MTOR: variants seen among roughly 807,000 people sequenced by gnomAD.
The protein encoded by MTOR is serine/threonine-protein kinase mTOR.
Under a neutral mutation model 319.8 loss-of-function variants are expected in MTOR, and 70 were observed. That is an observed-to-expected ratio of 0.22 (90% CI 0.18 to 0.27). The LOEUF is 0.27. Among genes scored for constraint, MTOR ranks in the 10% least tolerant of loss-of-function variants. The pLI is 1.00. For missense variants in MTOR, 1,890 were observed against 3,274.4 expected, an observed-to-expected ratio of 0.58 and a Z score of 10.32; for synonymous variants, 1,183 against 1,211.4, an observed-to-expected ratio of 0.98 and a Z score of 0.49.
chr1:11,222,505 T>C (rs1420008772), intron 19 of MTOR, among the ~76,000 whole-genome samples: 1 of 152,036 alleles, frequency 6.6e-6, no homozygotes, highest in East Asian at 1.9e-4. Flanking sequence ...CCTAAAAAAA[T>C]GTTTTAAATA....
At chr1:11,123,977 A>C (rs1488818590) in intron 47 of MTOR, among the ~76,000 whole-genome samples, 1 of 152,096 alleles carries the variant, frequency 6.6e-6, no homozygotes, top group African/African-American at 2.4e-5. Context: ...TAGTAGACAC[A>C]GGGTTTCACC....
intron 14 of MTOR, 109 bp downstream of exon 14, chr1:11,234,034 A>C (rs1044957149): frequency 6.6e-7 from 1 of 1,519,800 alleles, no homozygotes; most frequent in Admixed American, 1.7e-5. Flanking sequence ...GAGAGCAAAG[A>C]AATCACCTAC....
Position 11,163,111 on chromosome 1 carries a change from C to CA in MTOR, c.4329+4330dup, listed in dbSNP as rs1013172946. 1.7e-4 allele frequency among the ~76,000 whole-genome samples: 25 copies of CA among 149,230 alleles called. No homozygotes were observed. In the East Asian group the frequency reaches 2.3e-3, roughly 14 times the overall value. ...GAAGATCTACCAAGCAAATGGAAAA[C>CA]AAAAAAAAAGCAGGGGTTGCAATCC... is the stretch of plus-strand genomic sequence containing the variant. On this transcript the variant is annotated intron_variant, in intron 29 of 57. Coordinates refer to ENST00000361445, the MANE Select transcript of MTOR (RefSeq NM_004958.4).
In MTOR at chr1:11,230,416, A is replaced by C. The variant is rs536691803; in HGVS notation, c.2779+509T>G. 2.0e-5 allele frequency among the ~76,000 whole-genome samples: 3 copies of C among 152,294 alleles called. 1 individual carries two copies. The highest frequency in any genetic ancestry group is 2.9e-5 in the Non-Finnish European group (2 of 68,024). Reference sequence around the variant, plus strand: ...AAGACTCTCCATCTCAAAAACAAACAAACAAAAAAAGGCAGTGCAGCTCTT... The same window carrying C: ...AAGACTCTCCATCTCAAAAACAAACCAACAAAAAAAGGCAGTGCAGCTCTT... On this transcript the variant is annotated intron_variant, in intron 18 of 57. Transcript: ENST00000361445.
At chr1:11,139,105 G>A in intron 36 of MTOR, 199 bp downstream of exon 36, 2 of 643,912 alleles carry the variant, frequency 3.1e-6, no homozygotes, top group Non-Finnish European at 5.2e-6. Flanking sequence ...TTTGATCAAT[G>A]GTATACACAC....
chr1:11,116,995 A>G lies in MTOR; in HGVS notation c.7016+9T>C. 1 of 1,593,464 alleles carries G rather than the reference A, an allele frequency of 6.3e-7. No individual in the cohort carries two copies. The highest frequency in any genetic ancestry group is 8.5e-7 in the Non-Finnish European group (1 of 1,172,668). ...AAGAAGACTAAAAAAACCAAATTAA[A>G]TTACTCACCTATCTCCCAGGCCTAA... is the stretch of plus-strand genomic sequence containing the variant. On this transcript the variant is annotated intron_variant, in intron 50 of 57. Transcript: ENST00000361445.
In MTOR at chr1:11,125,458, C is replaced by T. The variant is rs150972705; in HGVS notation, c.6527-825G>A. Among the ~76,000 whole-genome samples the T allele has an allele frequency of 1.6e-4, 25 of 152,222 alleles. No individual in the cohort carries two copies. In the East Asian group the frequency reaches 3.9e-3, roughly 24 times the overall value. On this transcript the variant is annotated intron_variant, in intron 46 of 57. Transcript: ENST00000361445. ...TAAGAGCGAGAGGTGAGGCTGGGCG[C>T]GGTGGCTCACACCTGTAATCCTAAC...
intron 28 of MTOR, among the ~76,000 whole-genome samples, chr1:11,175,642 T>A (rs1348936754): frequency 6.6e-6 from 1 of 152,022 alleles, no homozygotes; most frequent in Non-Finnish European, 1.5e-5. Flanking sequence ...TGCAGACACT[T>A]CCCCCGGCAA....
Position 11,189,705 on chromosome 1 carries a change from G to A in MTOR, c.4253+9553C>T, listed in dbSNP as rs576456694. On this transcript the variant is annotated intron_variant, in intron 28 of 57. Transcript: ENST00000361445. The stretch of plus-strand genomic sequence containing the variant: ...CACCAGCACAGCCACAGCTCAAAGC[G>A]GCCAACTGCTGTGAGGAGGTGAAGG... 1.7e-5 allele frequency: 28 copies of A among 1,614,126 alleles called. No individual in the cohort carries two copies. The South Asian group carries it at 1.9e-4, about 11-fold the overall frequency.
chr1:11,256,242 C>T (rs1386057064), intron 4 of MTOR, 50 bp from the exon 5 acceptor site: 1 of 1,575,284 alleles, frequency 6.3e-7, no homozygotes, highest in South Asian at 1.2e-5. Context: ...GAGTTTTGTT[C>T]TCTCAGGAGT....
At chr1:11,249,959 C>T (rs1333126059) in intron 6 of MTOR, among the ~76,000 whole-genome samples, 3 of 150,424 alleles carry the variant, frequency 2.0e-5, no homozygotes, top group Non-Finnish European at 4.5e-5. Context: ...GGGTGGTGGC[C>T]GGGCAGAGGG....
intron 28 of MTOR, among the ~76,000 whole-genome samples, chr1:11,188,922 T>C (rs536345962): frequency 9.8e-5 from 15 of 152,344 alleles, no homozygotes; most frequent in African/African-American, 3.4e-4. Context: ...TGTCAAAATA[T>C]ACCAGATCCT....
At chr1:11,237,738 C>G in intron 13 of MTOR, 105 bp downstream of exon 13, 3 of 1,269,344 alleles carry the variant, frequency 2.4e-6, no homozygotes, top group Non-Finnish European at 2.2e-6. Context: ...CCAGGTACCT[C>G]AATCTTTCTC....
At chr1:11,248,710 G>A (rs191891400) in intron 6 of MTOR, among the ~76,000 whole-genome samples, 1 of 152,278 alleles carries the variant, frequency 6.6e-6, no homozygotes, top group East Asian at 1.9e-4. Flanking sequence ...CTACTTGGGG[G>A]CTGAGGCAGG....
At chr1:11,207,107 T>C (rs1451399872) in intron 25 of MTOR, among the ~76,000 whole-genome samples, 3 of 152,174 alleles carry the variant, frequency 2.0e-5, no homozygotes, top group Non-Finnish European at 4.4e-5. Context: ...TTTTTGTCGT[T>C]GTTGTTGGTG....
intron 34 of MTOR, among the ~76,000 whole-genome samples, chr1:11,139,965 C>A (rs909099236): frequency 6.6e-6 from 1 of 152,170 alleles, no homozygotes; most frequent in African/African-American, 2.4e-5. Flanking sequence ...GCTGGGATTA[C>A]AGGCGTGAGC....
chr1:11,131,890 T>C (rs568128831), intron 38 of MTOR: 4 of 152,344 alleles, frequency 2.6e-5, no homozygotes, highest in African/African-American at 9.6e-5. Flanking sequence ...CTAAGGAGAA[T>C]AGATTGATCA....
Position 11,226,094 on chromosome 1 carries a change from T to C in MTOR, c.3030+2574A>G, listed in dbSNP as rs1412676559. ...TTTTAATATAAGAATGCCAGCATTC[T>C]TACATTAGAACACGTTATCAGTGTG... On this transcript the variant is annotated intron_variant, in intron 19 of 57. Transcript: ENST00000361445. 2.6e-5 allele frequency among the ~76,000 whole-genome samples: 4 copies of C among 152,202 alleles called. No individual in the cohort carries two copies. In the East Asian group the frequency reaches 5.8e-4, roughly 22 times the overall value.
At chr1:11,235,759 A>G (rs529136034) in intron 13 of MTOR, among the ~76,000 whole-genome samples, 96 of 152,270 alleles carry the variant, frequency 6.3e-4, no homozygotes, top group Non-Finnish European at 1.0e-3. Context: ...CGAAGCGGGC[A>G]GACCATGAGG....
Sources: gnomAD v4.1 joint callset for allele counts (sites outside exome capture counted in the v4.1 genomes callset) on GRCh38, gnomAD v4.1.1 for gene constraint, MANE v1.5 for transcripts, NCBI Gene and HGNC (gene_info 2026-07-23, HGNC 2026-07-21) for gene names.